Variants in KCND2 observed in about 807,000 individuals in gnomAD.
The protein encoded by KCND2 is A-type voltage-gated potassium channel KCND2.
KCND2 carries 16 observed loss-of-function variants against 54.4 expected under a neutral mutation model. That is an observed-to-expected ratio of 0.29 (90% confidence interval 0.20 to 0.45). The LOEUF (loss-of-function observed/expected upper bound fraction) is 0.45. KCND2 is among the 20% of genes least tolerant of loss of function. The pLI is 1.00. For synonymous variants in KCND2, 317 were observed against 310.7 expected (o/e 1.02, Z -0.21); for missense variants, 486 against 824.2 (o/e 0.59, Z 5.02).
chr7:120,556,698 G>T (rs566025829), intron 1 of KCND2, among the ~76,000 whole-genome samples: 1 of 152,164 alleles, frequency 6.6e-6, no homozygotes, highest in South Asian at 2.1e-4. Flanking sequence ...TGAAGAGAGA[G>T]TATTTATTAC....
Position 120,749,250 on chromosome 7 carries a change from A to G in KCND2, c.*1392A>G, listed in dbSNP as rs1417677064. 1 of 151,992 alleles carries G rather than the reference A, an allele frequency of 6.6e-6. No individual in the cohort carries two copies. The highest frequency in any genetic ancestry group is 1.5e-5 in the Non-Finnish European group (1 of 67,862). The allele number at this position is 151,992 out of a possible 1,614,324, so 9.4% of individuals were successfully genotyped here. A position where few individuals can be genotyped will look rare whatever the true frequency, so the allele number is the denominator to read the frequency against. ...TTTCTACGCCATTCAGGAAGGCAGC[A>G]CAAATTTATCTCAGAAAGGTTCCTG... On this transcript the variant is annotated 3_prime_UTR_variant, in exon 6 of 6. Coordinates refer to ENST00000331113, the MANE Select transcript of KCND2 (RefSeq NM_012281.3).
At chr7:120,352,082 C>T (rs904583723) in intron 1 of KCND2, among the ~76,000 whole-genome samples, 1 of 151,938 alleles carries the variant, frequency 6.6e-6, no homozygotes, top group African/African-American at 2.4e-5. Flanking sequence ...GGACTATAGG[C>T]GTGCACCAAC....
intron 1 of KCND2, among the ~76,000 whole-genome samples, chr7:120,722,102 G>T (rs908509182): frequency 8.5e-5 from 13 of 152,116 alleles, no homozygotes; most frequent in African/African-American, 2.9e-4. Context: ...TTTATAAATT[G>T]TCCAGTCTCA....
chr7:120,736,272 G>A lies in KCND2; in HGVS notation c.1278+3207G>A, dbSNP rs149307374. 2.9e-3 allele frequency among the ~76,000 whole-genome samples: 433 copies of A among 151,890 alleles called. 6 individuals carry two copies. Among genetic ancestry groups the A allele is most frequent in the African/African-American group, 9.9e-3 (410 of 41,440 alleles). On this transcript the variant is annotated intron_variant, in intron 2 of 5. Transcript: ENST00000331113. ...ATTTGCAAGTACTCTTCCTACTTTT[G>A]CTGTCCACTCCTGCCATATACAGGG...
At chr7:120,744,942 AAC>A (rs2116187169) in intron 4 of KCND2, among the ~76,000 whole-genome samples, 1 of 152,320 alleles carries the variant, frequency 6.6e-6, no homozygotes, top group East Asian at 1.9e-4. Flanking sequence ...TTTTTTGTCA[AAC>A]ATTTTAAAAG....
intron 1 of KCND2, among the ~76,000 whole-genome samples, chr7:120,473,730 A>T (rs186077342): frequency 0.027 from 4,151 of 152,132 alleles, 86 homozygotes; most frequent in Non-Finnish European, 0.046. Flanking sequence ...AAGTTTTTTT[A>T]AAAAAATGAA....
At chr7:120,603,712 C>T (rs920688289) in intron 1 of KCND2, among the ~76,000 whole-genome samples, 1 of 152,148 alleles carries the variant, frequency 6.6e-6, no homozygotes, top group Non-Finnish European at 1.5e-5. Context: ...TCAGATGCCT[C>T]ACAAATTCCA....
chr7:120,584,061 A>G (rs1792555646), intron 1 of KCND2, among the ~76,000 whole-genome samples: 1 of 152,206 alleles, frequency 6.6e-6, no homozygotes, highest in Non-Finnish European at 1.5e-5. Context: ...TGTTAATCAT[A>G]TCAGTTTTTA....
chr7:120,287,613 A>G (rs1294923807), intron 1 of KCND2, among the ~76,000 whole-genome samples: 3 of 152,070 alleles, frequency 2.0e-5, no homozygotes, highest in African/African-American at 4.8e-5. Context: ...AATCCCAGCA[A>G]TTTAAGAGGT....
chr7:120,547,705 T>TGA (rs1186121306), intron 1 of KCND2, among the ~76,000 whole-genome samples: 1 of 152,064 alleles, frequency 6.6e-6, no homozygotes, highest in African/African-American at 2.4e-5. Context: ...ATGCTGTTCT[T>TGA]CTATGTTTAA....
rs182800391 is a variant in KCND2 at position 120,650,334 on chromosome 7, T to C, written c.1116-82569T>C. On this transcript the variant is annotated intron_variant, in intron 1 of 5. Coordinates refer to ENST00000331113, the MANE Select transcript of KCND2 (RefSeq NM_012281.3). ...TCATTTCTTTTTATTCTTTTTTCTCTAAACTTCTGTTCTCGCTTCATTTCA... is the reference window on the plus strand; with the variant it reads ...TCATTTCTTTTTATTCTTTTTTCTCCAAACTTCTGTTCTCGCTTCATTTCA... Among the ~76,000 whole-genome samples, 59 of 143,200 alleles carry C rather than the reference T, an allele frequency of 4.1e-4. 2 individuals are homozygous for C. In the East Asian group the frequency reaches 0.01, roughly 24 times the overall value. 93.9% of individuals were successfully genotyped at this position (143,200 alleles called of 152,430 possible).
At chr7:120,624,678 G>A (rs758225724) in intron 1 of KCND2, among the ~76,000 whole-genome samples, 17 of 151,986 alleles carry the variant, frequency 1.1e-4, no homozygotes, top group East Asian at 1.9e-4. Flanking sequence ...CTAATTTGGC[G>A]GCTGAGGTGG....
At chr7:120,414,877 C>T (rs1470659602) in intron 1 of KCND2, among the ~76,000 whole-genome samples, 1 of 152,076 alleles carries the variant, frequency 6.6e-6, no homozygotes, top group Non-Finnish European at 1.5e-5. Context: ...TTCTCTCACC[C>T]TTCCCTTCTG....
At chr7:120,421,442 C>T (rs1037657874) in intron 1 of KCND2, among the ~76,000 whole-genome samples, 14 of 152,336 alleles carry the variant, frequency 9.2e-5, no homozygotes, top group African/African-American at 2.9e-4. Flanking sequence ...CTCTCTGAAA[C>T]TCAGGTTTCT....
chr7:120,729,595 G>A lies in KCND2; in HGVS notation c.1116-3308G>A, dbSNP rs118064570. On this transcript the variant is annotated intron_variant, in intron 1 of 5. Transcript: ENST00000331113. ...CTCTGCTTTCTCTCACAACAGCAGA[G>A]CCTTGGAGACCATCCTAACTGGCTA... Among the ~76,000 whole-genome samples, 412 of 152,268 alleles carry A rather than the reference G, an allele frequency of 2.7e-3. 1 individual carries two copies. Among genetic ancestry groups the A allele is most frequent in the Non-Finnish European group, 5.1e-3 (350 of 68,004 alleles).
intron 1 of KCND2, among the ~76,000 whole-genome samples, chr7:120,707,265 T>C (rs78904544): frequency 0.085 from 12,953 of 152,208 alleles, 927 homozygotes; most frequent in East Asian, 0.42. Flanking sequence ...TGATTTATAA[T>C]ACACTTATAT....
At chr7:120,621,500 C>T (rs1793098737) in intron 1 of KCND2, among the ~76,000 whole-genome samples, 1 of 151,818 alleles carries the variant, frequency 6.6e-6, no homozygotes, top group African/African-American at 2.4e-5. Context: ...CACTCTGAAG[C>T]CTTTGATAAA....
chr7:120,512,516 A>G (rs989287572), intron 1 of KCND2, among the ~76,000 whole-genome samples: 2 of 152,026 alleles, frequency 1.3e-5, no homozygotes, highest in East Asian at 3.9e-4. Context: ...TATAGTCTTA[A>G]CAATTCACTT....
rs185208612 is a variant in KCND2, at chr7:120,404,773, G to A, written c.1115+129026G>A. 4.5e-4 allele frequency among the ~76,000 whole-genome samples: 15 copies of A among 33,046 alleles called. No individual in the cohort carries two copies. In the East Asian group the frequency reaches 0.013, roughly 29 times the overall value. The allele number at this position is 33,046 out of a possible 152,430, so 21.7% of individuals were successfully genotyped here. A position where few individuals can be genotyped will look rare whatever the true frequency, so the allele number is the denominator to read the frequency against. On this transcript the variant is annotated intron_variant, in intron 1 of 5. Coordinates refer to ENST00000331113, the MANE Select transcript of KCND2 (RefSeq NM_012281.3). Reference sequence around the variant, plus strand: ...TTGATTAGCACTGATTTTTGGGGGGGGACCTTTGTGAATTTGTCTTTTGTA... The same window carrying A: ...TTGATTAGCACTGATTTTTGGGGGGAGACCTTTGTGAATTTGTCTTTTGTA...
Sources: gnomAD v4.1 joint callset for allele counts (sites outside exome capture counted in the v4.1 genomes callset) on GRCh38, gnomAD v4.1.1 for gene constraint, MANE v1.5 for transcripts, NCBI Gene and HGNC (gene_info 2026-07-23, HGNC 2026-07-21) for gene names.